NHS: variants seen among roughly 807,000 people sequenced by gnomAD.
The protein encoded by NHS is actin remodeling regulator NHS.
In NHS, 5 loss-of-function variants were observed where a neutral mutation model predicts 72.5. The observed-to-expected ratio is 0.07, with a 90% CI of 0.04 to 0.14. The LOEUF (loss-of-function observed/expected upper bound fraction) is 0.14. NHS is among the 10% of genes least tolerant of loss of function. The probability of loss-of-function intolerance (pLI) is 1.00; values close to 1 mark genes in which losing one functional copy is unlikely to be tolerated. For synonymous variants in NHS, 464 were observed against 547.7 expected, an observed-to-expected ratio of 0.85 and a Z score of 2.13; for missense variants, 1,072 against 1,355.7, an observed-to-expected ratio of 0.79 and a Z score of 3.29.
chrX:17,471,546 A>G (rs1218662105), intron 1 of NHS, among the ~76,000 whole-genome samples: 1 of 113,015 alleles, frequency 8.8e-6, no homozygotes, highest in African/African-American at 3.2e-5. Flanking sequence ...ACCTATGAAT[A>G]TGATTGCTGT....
intron 1 of NHS, among the ~76,000 whole-genome samples, chrX:17,463,581 T>C (rs1164906464): frequency 8.9e-6 from 1 of 111,739 alleles, no homozygotes; most frequent in African/African-American, 3.3e-5. Flanking sequence ...TGCTGTGGCC[T>C]CTTGTGATCC....
chrX:17,600,286 CAGAGAGAG>C (rs113777136), intron 1 of NHS, among the ~76,000 whole-genome samples: 29 of 101,360 alleles, frequency 2.9e-4, no homozygotes, highest in African/African-American at 7.5e-4. Flanking sequence ...CAGAGAGAGA[CAGAGAGAG>C]AGAGAGAGAG....
chrX:17,390,719 G>A (rs1193043801), intron 1 of NHS, among the ~76,000 whole-genome samples: 1 of 112,257 alleles, frequency 8.9e-6, no homozygotes, highest in Non-Finnish European at 1.9e-5. Flanking sequence ...ATGTCACCCA[G>A]TACTCATCTG....
At chrX:17,497,975 A>G (rs1644707237) in intron 1 of NHS, among the ~76,000 whole-genome samples, 1 of 111,938 alleles carries the variant, frequency 8.9e-6, no homozygotes, top group African/African-American at 3.2e-5. Context: ...TGTACACATC[A>G]GAATTGCCTA....
At chrX:17,472,945 A>G (rs2064898551) in intron 1 of NHS, among the ~76,000 whole-genome samples, 1 of 112,678 alleles carries the variant, frequency 8.9e-6, no homozygotes, top group Non-Finnish European at 1.9e-5. Context: ...CAAAGGTGTC[A>G]AAGGAATAGA....
At chrX:17,572,515 C>CTTTTTTTTTTTTTTTTTT (rs1188248074) in intron 1 of NHS, among the ~76,000 whole-genome samples, 44 of 28,918 alleles carry the variant, frequency 1.5e-3, no homozygotes, top group African/African-American at 6.5e-3. Flanking sequence ...TTTTTTTTTG[C>CTTTTTTTTTTTTTTTTTT]TTTCCATTTG....
At chrX:17,647,071 C>T (rs895575589) in intron 1 of NHS, among the ~76,000 whole-genome samples, 4 of 111,403 alleles carry the variant, frequency 3.6e-5, no homozygotes, top group African/African-American at 1.3e-4. Context: ...GTTTGTATAA[C>T]TAGAGGGCAC....
chrX:17,506,357 C>T (rs945041300), intron 1 of NHS, among the ~76,000 whole-genome samples: 2 of 109,252 alleles, frequency 1.8e-5, no homozygotes, highest in Non-Finnish European at 3.8e-5. Context: ...GGCAAAATCC[C>T]GTCTCTACTA....
At position 17,610,033 on chromosome X, in the gene NHS, G is replaced by A. The variant is rs777933680; in HGVS notation, c.566-77709G>A. Among the ~76,000 whole-genome samples, 9 of 112,203 alleles carry A rather than the reference G, an allele frequency of 8.0e-5. 1 individual carries two copies. The East Asian group carries it at 1.7e-3, about 21-fold the overall frequency. On this transcript the variant is annotated intron_variant, in intron 1 of 8. Transcript: ENST00000676302. ...GTCCATCAGCATGTTATACTAGCCC[G>A]CCAGTTGAGCATGAAGGCTTTTCTC...
intron 2 of NHS, among the ~76,000 whole-genome samples, chrX:17,690,320 C>CTA (rs1251391975): frequency 1.8e-5 from 2 of 112,303 alleles, no homozygotes; most frequent in East Asian, 5.6e-4. Flanking sequence ...TAATACTGAC[C>CTA]TATCAGACAA....
intron 1 of NHS, among the ~76,000 whole-genome samples, chrX:17,555,657 G>A: frequency 8.9e-6 from 1 of 112,029 alleles, no homozygotes; most frequent in Non-Finnish European, 1.9e-5. Context: ...TTCCTTTTGA[G>A]CCTAGCTCTT....
chrX:17,635,581 C>T, intron 1 of NHS: 1 of 1,166,904 alleles, frequency 8.6e-7, no homozygotes, highest in African/African-American at 1.8e-5. Context: ...CTCTGGCCTG[C>T]TGCATGCCCA....
In NHS at chrX:17,485,493, A is replaced by C. The variant is rs778456452; in HGVS notation, c.565+109171A>C. Among the ~76,000 whole-genome samples the C allele has an allele frequency of 1.1e-3, 121 of 111,312 alleles. 1 individual carries two copies. The highest frequency in any genetic ancestry group is 3.7e-3 in the African/African-American group (112 of 30,619). On this transcript the variant is annotated intron_variant, in intron 1 of 8. Transcript: ENST00000676302. The stretch of plus-strand genomic sequence containing the variant: ...GAAACAGCTTCTGAGGTGCCCTCCG[A>C]CTCTGAAATGTGCTGACCTGGAGTT...
At chrX:17,567,549 C>CT (rs2146971063) in intron 1 of NHS, among the ~76,000 whole-genome samples, 1 of 111,626 alleles carries the variant, frequency 9.0e-6, no homozygotes, top group East Asian at 2.8e-4. Flanking sequence ...CGACCCCTGT[C>CT]TAGGAGGAAA....
intron 1 of NHS, among the ~76,000 whole-genome samples, chrX:17,462,778 C>T (rs987039780): frequency 3.6e-5 from 4 of 111,568 alleles, no homozygotes; most frequent in Non-Finnish European, 5.6e-5. Context: ...ATCTAATTCA[C>T]GGCATCGTTT....
intron 1 of NHS, among the ~76,000 whole-genome samples, chrX:17,606,743 A>G (rs1201504122): frequency 8.9e-6 from 1 of 111,746 alleles, no homozygotes; most frequent in Non-Finnish European, 1.9e-5. Flanking sequence ...GCATGTTTTC[A>G]GTGTTTCGTT....
At chrX:17,405,636 T>C in intron 1 of NHS, among the ~76,000 whole-genome samples, 1 of 111,503 alleles carries the variant, frequency 9.0e-6, no homozygotes, top group Admixed American at 9.9e-5. Context: ...AAATTAATCT[T>C]GAATTTTCAT....
At chrX:17,571,239 G>A (rs866291733) in intron 1 of NHS, among the ~76,000 whole-genome samples, 42 of 112,345 alleles carry the variant, frequency 3.7e-4, no homozygotes, top group Middle Eastern at 9.2e-3. Flanking sequence ...GTTTCAGAAG[G>A]AATGGCACCA....
intron 3 of NHS, among the ~76,000 whole-genome samples, chrX:17,695,792 G>C (rs991478853): frequency 9.0e-6 from 1 of 111,083 alleles, no homozygotes; most frequent in Non-Finnish European, 1.9e-5. Context: ...ACAGGAAACA[G>C]GACAAGCCAA....
Sources: allele counts gnomAD v4.1 joint callset (sites outside exome capture counted in the v4.1 genomes callset), GRCh38; gene constraint gnomAD v4.1.1; transcripts MANE v1.5; gene names NCBI Gene and HGNC (gene_info 2026-07-23, HGNC 2026-07-21).